XIRP2: variants seen among roughly 807,000 people sequenced by gnomAD.
XIRP2 encodes the protein xin actin binding repeat containing 2.
XIRP2 carries 236 observed loss-of-function variants against 277.0 expected under a neutral mutation model. The observed-to-expected ratio is 0.85, with a 90% CI of 0.77 to 0.95. The LOEUF is 0.95. XIRP2 is among the 40% of genes least tolerant of loss of function. The pLI, the probability that XIRP2 is intolerant of heterozygous loss-of-function variation, is 0.00. For missense variants in XIRP2, 4,640 were observed against 4,157.5 expected (o/e 1.12, Z -3.19); for synonymous variants, 1,490 against 1,416.5 (o/e 1.05, Z -1.17).
At chr2:166,999,415 GAAAAATA>G (rs1186162870) in intron 2 of XIRP2, among the ~76,000 whole-genome samples, 3 of 148,452 alleles carry the variant, frequency 2.0e-5, no homozygotes, top group African/African-American at 7.5e-5. Context: ...AAAGGAAAAG[GAAAAATA>G]AAAAAGAGCA....
At chr2:166,984,424 T>A (rs1686950392) in intron 2 of XIRP2, among the ~76,000 whole-genome samples, 2 of 152,148 alleles carry the variant, frequency 1.3e-5, no homozygotes. Flanking sequence ...AGTTAAAAAA[T>A]GAATTAAAGT....
intron 2 of XIRP2, 100 bp from the exon 3 acceptor site, chr2:167,135,809 A>C: frequency 8.5e-7 from 1 of 1,180,640 alleles, no homozygotes; most frequent in Non-Finnish European, 1.1e-6. Context: ...CATGACAGAA[A>C]TCCCTCCCTC....
At position 167,244,509 on chromosome 2, in the gene XIRP2, T is replaced by G; in HGVS notation, c.3117T>G (p.Ile1039Met). 2 of 1,613,630 alleles carry G rather than the reference T, an allele frequency of 1.2e-6. No individual in the cohort carries two copies. The highest frequency in any genetic ancestry group is 1.7e-6 in the Non-Finnish European group (2 of 1,179,774). Residue 1039 changes from isoleucine (I) to methionine (M), a missense_variant, in exon 9 of 11, where the codon ATT (isoleucine) becomes ATG (methionine). By Grantham distance (10) the Ile-to-Met change is conservative. Coordinates refer to ENST00000409195, the MANE Select transcript of XIRP2 (RefSeq NM_152381.6). ...FDESIHKFQI[I>M]RGISAQEIQT... is the part of the protein sequence containing the mutation. ...AAAGCATTCATAAATTTCAAATAAT[T>G]AGAGGAATATCTGCTCAAGAAATAC...
At chr2:167,073,213 C>T (rs1035293662) in intron 2 of XIRP2, among the ~76,000 whole-genome samples, 5 of 152,070 alleles carry the variant, frequency 3.3e-5, no homozygotes, top group South Asian at 2.1e-4. Context: ...CTTTCATACT[C>T]GACTTTTAAT....
In XIRP2 at chr2:167,250,448, C is replaced by T. The variant is rs200920045; in HGVS notation, c.9056C>T (p.Ala3019Val). The change falls in exon 9 of 11, where the codon GCG becomes GTG. Residue 3019 changes from alanine to valine, a missense_variant. Transcript: ENST00000409195. ...GAAATAACACATATTAAAACTCAAGCGGAAGATATGCTTGTGTCCTATGAA... is the reference window on the plus strand; with the variant it reads ...GAAATAACACATATTAAAACTCAAGTGGAAGATATGCTTGTGTCCTATGAA... ...KEEITHIKTQ[A>V]EDMLVSYENI... The T allele has an allele frequency of 1.1e-4, 174 of 1,613,174 alleles. 1 individual carries two copies. Among genetic ancestry groups the T allele is most frequent in the South Asian group, 1.1e-3 (97 of 90,962 alleles).
intron 2 of XIRP2, among the ~76,000 whole-genome samples, chr2:166,934,106 C>T (rs1574090569): frequency 1.4e-5 from 2 of 142,486 alleles, no homozygotes; most frequent in South Asian, 2.3e-4. Flanking sequence ...TTCTTCTAAC[C>T]AATAGAACAT....
At chr2:167,077,677 C>T (rs777746212) in intron 2 of XIRP2, among the ~76,000 whole-genome samples, 3 of 152,076 alleles carry the variant, frequency 2.0e-5, no homozygotes, top group Admixed American at 2.0e-4. Flanking sequence ...TATGGTTCTA[C>T]CATACAGAAC....
At chr2:166,940,341 A>G (rs944242250) in intron 2 of XIRP2, among the ~76,000 whole-genome samples, 5 of 152,114 alleles carry the variant, frequency 3.3e-5, no homozygotes, top group Non-Finnish European at 5.9e-5. Context: ...CTAGTTAGCC[A>G]TTCATCTAAT....
chr2:167,209,178 G>GTGAT (rs1693948608), intron 3 of XIRP2, among the ~76,000 whole-genome samples: 1 of 152,112 alleles, frequency 6.6e-6, no homozygotes, highest in African/African-American at 2.4e-5. Flanking sequence ...TTGTATCTTT[G>GTGAT]TGATAGTATG....
At chr2:167,208,105 T>G (rs1440655133) in intron 3 of XIRP2, among the ~76,000 whole-genome samples, 2 of 152,202 alleles carry the variant, frequency 1.3e-5, no homozygotes, top group Non-Finnish European at 2.9e-5. Context: ...TTTGGATTAC[T>G]CGTCTGCACA....
chr2:166,943,786 C>A (rs1055085532), intron 2 of XIRP2, among the ~76,000 whole-genome samples: 2 of 152,112 alleles, frequency 1.3e-5, no homozygotes, highest in African/African-American at 2.4e-5. Context: ...ACTTTTTCAC[C>A]AGTTGTTCCC....
intron 2 of XIRP2, among the ~76,000 whole-genome samples, chr2:167,094,355 G>C (rs1191585604): frequency 1.3e-5 from 2 of 152,008 alleles, no homozygotes; most frequent in Non-Finnish European, 2.9e-5. Flanking sequence ...TTTTGTTGCA[G>C]TTGCTTTTGG....
chr2:166,924,628 G>C (rs936108281), intron 2 of XIRP2, among the ~76,000 whole-genome samples: 2 of 151,836 alleles, frequency 1.3e-5, no homozygotes, highest in Admixed American at 6.6e-5. Flanking sequence ...GACTAGAATT[G>C]AATGAGAAGA....
rs1695083300 is a variant in XIRP2 at position 167,241,907 on chromosome 2, T to C, written c.1173T>C (p.Ile391=). 2 of 1,611,274 alleles carry C rather than the reference T, an allele frequency of 1.2e-6. No homozygotes were observed. Among genetic ancestry groups the C allele is most frequent in the South Asian group, 2.2e-5 (2 of 90,552 alleles). ...DKEMTTPAKQ[I]KTESEYEETF... is the part of the protein sequence containing the mutation. ...AGATGACAACCCCAGCCAAGCAGAT[T>C]AAGGTAAAGTCATTTCTTTACACAG... The change falls in exon 8 of 11, where the codon ATT becomes ATC. Residue 391 remains isoleucine (I), a synonymous_variant. Coordinates refer to ENST00000409195, the MANE Select transcript of XIRP2 (RefSeq NM_152381.6).
chr2:167,080,397 C>T (rs1027320456), intron 2 of XIRP2, among the ~76,000 whole-genome samples: 1 of 152,174 alleles, frequency 6.6e-6, no homozygotes, highest in African/African-American at 2.4e-5. Flanking sequence ...GCCAGACTAA[C>T]TGATACTGTG....
intron 2 of XIRP2, among the ~76,000 whole-genome samples, chr2:166,986,769 T>G (rs181040279): frequency 1.1e-4 from 17 of 152,338 alleles, no homozygotes; most frequent in African/African-American, 3.1e-4. Context: ...TGCTGTGAAA[T>G]GCTGTCATAA....
chr2:166,988,552 A>C lies in XIRP2; in HGVS notation c.408+84662A>C, dbSNP rs1377860017. 2.2e-5 allele frequency among the ~76,000 whole-genome samples: 3 copies of C among 134,554 alleles called. 1 individual carries two copies. The highest frequency in any genetic ancestry group is 5.9e-5 in the African/African-American group (2 of 34,056). The allele number at this position is 134,554 out of a possible 152,430, so 88.3% of individuals were successfully genotyped here. A position where few individuals can be genotyped will look rare whatever the true frequency, so the allele number is the denominator to read the frequency against. On this transcript the variant is annotated intron_variant, in intron 2 of 10. Coordinates refer to ENST00000409195, the MANE Select transcript of XIRP2 (RefSeq NM_152381.6). Reference sequence around the variant, plus strand: ...TGATTTCTGCATTTCCATCTGAGGTACCGGGTTCATCTCACTAGGGAGTGC... The same window carrying C: ...TGATTTCTGCATTTCCATCTGAGGTCCCGGGTTCATCTCACTAGGGAGTGC...
chr2:167,195,692 A>C (rs1344660601), intron 3 of XIRP2, among the ~76,000 whole-genome samples: 1 of 152,214 alleles, frequency 6.6e-6, no homozygotes, highest in African/African-American at 2.4e-5. Context: ...AAGCAAAAAA[A>C]TCACAAGCCA....
rs1689217467 is a variant in XIRP2 at position 167,063,305 on chromosome 2, A to G, written c.409-72604A>G. Among the ~76,000 whole-genome samples, 7 of 151,912 alleles carry G rather than the reference A, an allele frequency of 4.6e-5. 1 individual carries two copies. In the South Asian group the frequency reaches 1.4e-3, roughly 31 times the overall value. ...ATTCAATCATTTTATAGTTATTGAGACTTGTTTTATGACCCAGAATATGGT... is the reference window on the plus strand; with the variant it reads ...ATTCAATCATTTTATAGTTATTGAGGCTTGTTTTATGACCCAGAATATGGT... On this transcript the variant is annotated intron_variant, in intron 2 of 10. Coordinates refer to ENST00000409195, the MANE Select transcript of XIRP2 (RefSeq NM_152381.6).
Sources: allele counts gnomAD v4.1 joint callset (sites outside exome capture counted in the v4.1 genomes callset), GRCh38; gene constraint gnomAD v4.1.1; transcripts MANE v1.5; gene names NCBI Gene and HGNC (gene_info 2026-07-23, HGNC 2026-07-21).